Variants in TRMT9B observed in about 807,000 individuals in gnomAD.
The protein encoded by TRMT9B is tRNA methyltransferase 9B (putative), also known as probable tRNA methyltransferase 9B.
A neutral mutation model predicts 11.5 loss-of-function variants in TRMT9B; 16 were observed. The ratio of observed to expected loss-of-function variants is 1.39; its 90% CI spans 0.94 to 2.11. The LOEUF (loss-of-function observed/expected upper bound fraction) is 2.11. TRMT9B is among the 30% of genes most tolerant of loss of function. TRMT9B has a pLI of 0.00. For missense variants in TRMT9B, 941 were observed against 553.8 expected (o/e 1.70, Z -7.02); for synonymous variants, 274 against 192.4 (o/e 1.42, Z -3.51).
intron 1 of TRMT9B, among the ~76,000 whole-genome samples, chr8:12,956,364 A>G (rs1801310551): frequency 6.6e-6 from 1 of 152,196 alleles, no homozygotes; most frequent in Non-Finnish European, 1.5e-5. Flanking sequence ...GCTAGTTGCT[A>G]ACCAGTTACC....
chr8:12,994,971 C>T (rs951592684), intron 2 of TRMT9B, among the ~76,000 whole-genome samples: 2 of 152,190 alleles, frequency 1.3e-5, no homozygotes, highest in Admixed American at 6.5e-5. Context: ...CGTGAGCCCC[C>T]GCGCCTGGCT....
At chr8:13,000,687 G>C (rs1809266551) in intron 2 of TRMT9B, among the ~76,000 whole-genome samples, 1 of 152,196 alleles carries the variant, frequency 6.6e-6, no homozygotes, top group Admixed American at 6.5e-5. Flanking sequence ...AGCTTTACAA[G>C]TTGCTTGAAA....
intron 3 of TRMT9B, chr8:13,006,795 A>G (rs1810564747): frequency 2.3e-6 from 1 of 429,514 alleles, no homozygotes; most frequent in Non-Finnish European, 3.5e-6. Context: ...CAGACTCCCA[A>G]ATAGCTATGA....
At chr8:12,969,470 T>G (rs1803282165) in intron 1 of TRMT9B, among the ~76,000 whole-genome samples, 1 of 152,178 alleles carries the variant, frequency 6.6e-6, no homozygotes, top group Admixed American at 6.5e-5. Flanking sequence ...GATGCACAAC[T>G]CTGTGATACA....
intron 1 of TRMT9B, among the ~76,000 whole-genome samples, chr8:12,962,779 C>G (rs749656609): frequency 2.4e-4 from 37 of 152,220 alleles, no homozygotes; most frequent in Non-Finnish European, 5.1e-4. Context: ...GCATGAGCCA[C>G]TGCGCCTGGC....
rs992926046 is a variant in TRMT9B at position 12,990,969 on chromosome 8, G to A, written c.-64G>A. The A allele has an allele frequency of 1.3e-5, 17 of 1,288,192 alleles. No homozygotes were observed. In the Admixed American group the frequency reaches 1.4e-4, roughly 10 times the overall value. The allele number at this position is 1,288,192 out of a possible 1,614,324, so 79.8% of individuals were successfully genotyped here. ...GAGAAGCAACTGTCACTCTCTGGAG[G>A]TGGAGACTGCCGTGATTCACAAAGA... On this transcript the variant is annotated 5_prime_UTR_variant, in exon 2 of 5. In the 5' UTR this introduces an upstream ATG that the reference lacks. Coordinates refer to ENST00000524591, the MANE Select transcript of TRMT9B (RefSeq NM_020844.3).
In TRMT9B at chr8:13,027,327, A is replaced by T. The variant is rs1202300474; in HGVS notation, c.*5283A>T. On this transcript the variant is annotated 3_prime_UTR_variant, in exon 5 of 5. Transcript: ENST00000524591. ...AGTTATATTGTTTAGTTTGAGGAAA[A>T]CAACAAACAACCCTCCCTTAGAGAA... The T allele has an allele frequency of 6.0e-6, 1 of 167,040 alleles. No individual in the cohort carries two copies. Among genetic ancestry groups the T allele is most frequent in the Non-Finnish European group, 1.5e-5 (1 of 68,120 alleles). The allele number at this position is 167,040 out of a possible 1,614,324, so 10.3% of individuals were successfully genotyped here. A position where few individuals can be genotyped will look rare whatever the true frequency, so the allele number is the denominator to read the frequency against.
intron 1 of TRMT9B, among the ~76,000 whole-genome samples, chr8:12,966,148 A>T (rs1301592439): frequency 9.4e-6 from 1 of 106,188 alleles, no homozygotes; most frequent in Non-Finnish European, 2.5e-5. Flanking sequence ...CAACATAGTA[A>T]GACCCCCCCC....
At chr8:13,015,198 G>C (rs890813796) in intron 4 of TRMT9B, among the ~76,000 whole-genome samples, 1 of 150,868 alleles carries the variant, frequency 6.6e-6, no homozygotes. Context: ...ATTGTTATTG[G>C]ATTTTTTTAA....
chr8:12,947,258 C>T (rs1181170939), intron 1 of TRMT9B, among the ~76,000 whole-genome samples: 1 of 152,186 alleles, frequency 6.6e-6, no homozygotes, highest in Non-Finnish European at 1.5e-5. Flanking sequence ...TGGAACACAC[C>T]TCACAATTTC....
At chr8:12,973,265 T>G (rs1439359257) in intron 1 of TRMT9B, among the ~76,000 whole-genome samples, 1 of 152,202 alleles carries the variant, frequency 6.6e-6, no homozygotes, top group Non-Finnish European at 1.5e-5. Flanking sequence ...AGGAAGATTT[T>G]TTTTGGCATG....
intron 2 of TRMT9B, among the ~76,000 whole-genome samples, chr8:13,002,812 A>G (rs1199300223): frequency 6.6e-6 from 1 of 152,148 alleles, no homozygotes. Context: ...ACACCGTCTT[A>G]CCCAAGTACT....
chr8:12,973,766 G>T (rs536890124), intron 1 of TRMT9B, among the ~76,000 whole-genome samples: 1 of 152,276 alleles, frequency 6.6e-6, no homozygotes, highest in African/African-American at 2.4e-5. Flanking sequence ...GCCAGTGAAA[G>T]ATTCCATGAG....
intron 2 of TRMT9B, among the ~76,000 whole-genome samples, chr8:13,004,607 G>A (rs956777928): frequency 6.6e-6 from 1 of 151,982 alleles, no homozygotes; most frequent in Non-Finnish European, 1.5e-5. Flanking sequence ...ACCTAGTCCT[G>A]TCAGGACCCA....
At chr8:12,998,751 C>T (rs567040717) in intron 2 of TRMT9B, among the ~76,000 whole-genome samples, 4 of 152,184 alleles carry the variant, frequency 2.6e-5, no homozygotes, top group African/African-American at 4.8e-5. Context: ...CTTGATGAGA[C>T]AGTAGAAAAA....
intron 1 of TRMT9B, among the ~76,000 whole-genome samples, chr8:12,963,518 G>A (rs1802417944): frequency 6.6e-6 from 1 of 152,126 alleles, no homozygotes; most frequent in African/African-American, 2.4e-5. Flanking sequence ...GGGAGGCAGA[G>A]CTAGGCAGAT....
intron 2 of TRMT9B, among the ~76,000 whole-genome samples, chr8:13,005,377 G>A (rs1217948073): frequency 6.6e-6 from 1 of 152,012 alleles, no homozygotes; most frequent in East Asian, 1.9e-4. Flanking sequence ...AGGACAACAG[G>A]GTGACTATAG....
In TRMT9B at chr8:13,021,531, C is replaced by T. The variant is rs1813883711; in HGVS notation, c.852C>T (p.Val284=). Residue 284 remains valine, a synonymous_variant, in exon 5 of 5, where the codon GTC becomes GTT. Transcript: ENST00000524591. ...TEVWASSTVT[V]QPSRHSSLDF... ...TTTGGGCCAGTAGCACTGTAACAGT[C>T]CAGCCTTCCAGACACTCTAGTTTAG... 6.2e-7 allele frequency: 1 copy of T among 1,613,828 alleles called. No individual in the cohort carries two copies. The highest frequency in any genetic ancestry group is 8.5e-7 in the Non-Finnish European group (1 of 1,179,788).
chr8:12,971,535 C>G (rs1032132227), intron 1 of TRMT9B, among the ~76,000 whole-genome samples: 1 of 152,178 alleles, frequency 6.6e-6, no homozygotes, highest in Non-Finnish European at 1.5e-5. Flanking sequence ...ATTGCAGCAT[C>G]TAGTGCGATA....
Sources: gnomAD v4.1 joint callset for allele counts (sites outside exome capture counted in the v4.1 genomes callset) on GRCh38, gnomAD v4.1.1 for gene constraint, MANE v1.5 for transcripts, NCBI Gene and HGNC (gene_info 2026-07-23, HGNC 2026-07-21) for gene names.